THRB: variants seen among roughly 807,000 people sequenced by gnomAD.
THRB encodes the protein thyroid hormone receptor beta, also known as nuclear receptor subfamily 1 group A member 2.
THRB carries 12 observed loss-of-function variants against 47.8 expected under a neutral mutation model. The ratio of observed to expected loss-of-function variants is 0.25; its 90% CI spans 0.16 to 0.41. The LOEUF (loss-of-function observed/expected upper bound fraction) is 0.41. Ranked by LOEUF, THRB falls within the 10% of genes least tolerant of loss-of-function variation. The probability of loss-of-function intolerance (pLI) is 1.00; values close to 1 mark genes in which losing one functional copy is unlikely to be tolerated. For missense variants in THRB, 348 were observed against 589.2 expected (o/e 0.59, Z 4.24); for synonymous variants, 218 against 212.2 (o/e 1.03, Z -0.24).
chr3:24,177,519 G>A (rs915835267), intron 5 of THRB, among the ~76,000 whole-genome samples: 1 of 152,100 alleles, frequency 6.6e-6, no homozygotes, highest in East Asian at 1.9e-4. Context: ...GAATCAAACA[G>A]GCATGTTCAG....
At chr3:24,146,969 A>T in intron 6 of THRB, 147 bp from the exon 7 acceptor site, 1 of 699,344 alleles carries the variant, frequency 1.4e-6, no homozygotes. Flanking sequence ...TTCAAATATA[A>T]GACAGTTGGC....
At chr3:24,474,832 G>C (rs558385918) in intron 1 of THRB, among the ~76,000 whole-genome samples, 4 of 152,280 alleles carry the variant, frequency 2.6e-5, no homozygotes. Context: ...TGATTCAACT[G>C]TAAGGACCTG....
At chr3:24,336,722 CTTTTT>C (rs1553717322) in intron 2 of THRB, among the ~76,000 whole-genome samples, 2 of 135,954 alleles carry the variant, frequency 1.5e-5, no homozygotes, top group African/African-American at 2.7e-5. Context: ...AATTCTCATG[CTTTTT>C]TTTTTTTTTT....
chr3:24,306,382 A>G (rs1046153072), intron 2 of THRB, among the ~76,000 whole-genome samples: 1 of 152,204 alleles, frequency 6.6e-6, no homozygotes, highest in African/African-American at 2.4e-5. Context: ...GCTGCCTTCC[A>G]CAGAGGGCTC....
rs375041522 is a variant in THRB, at chr3:24,185,579, GAC to G, written c.283+4493_283+4494del. Among the ~76,000 whole-genome samples the G allele has an allele frequency of 6.6e-5, 10 of 152,310 alleles. No homozygotes were observed. The East Asian group carries it at 1.9e-3, about 29-fold the overall frequency. On this transcript the variant is annotated intron_variant, in intron 5 of 10. Coordinates refer to ENST00000646209, the MANE Select transcript of THRB (RefSeq NM_001354712.2). ...CAGTTTTAAAAATATTAAGCACAGA[GAC>G]ATTTCTGTGAGATCACTGATGGCTG... is the stretch of plus-strand genomic sequence containing the variant.
intron 1 of THRB, among the ~76,000 whole-genome samples, chr3:24,436,552 T>C (rs975112650): frequency 1.3e-5 from 2 of 152,134 alleles, no homozygotes; most frequent in Non-Finnish European, 2.9e-5. Flanking sequence ...AAATGGGAAG[T>C]TTAACAAGAG....
At chr3:24,381,639 C>T (rs1201570548) in intron 1 of THRB, among the ~76,000 whole-genome samples, 3 of 152,052 alleles carry the variant, frequency 2.0e-5, no homozygotes, top group Non-Finnish European at 4.4e-5. Flanking sequence ...GAAATATGAC[C>T]TTGTCTTTAA....
chr3:24,151,069 A>G (rs974818033), intron 6 of THRB, among the ~76,000 whole-genome samples: 8 of 152,210 alleles, frequency 5.3e-5, no homozygotes, highest in Non-Finnish European at 1.0e-4. Context: ...GGCAACCTTT[A>G]GCCCAGTCTT....
intron 4 of THRB, among the ~76,000 whole-genome samples, chr3:24,211,817 G>A (rs1053944277): frequency 1.3e-5 from 2 of 152,186 alleles, no homozygotes; most frequent in Non-Finnish European, 2.9e-5. Context: ...TGTATGCTAA[G>A]ATGATGTGCA....
At chr3:24,400,096 G>C (rs1413926549) in intron 1 of THRB, among the ~76,000 whole-genome samples, 1 of 152,116 alleles carries the variant, frequency 6.6e-6, no homozygotes, top group Non-Finnish European at 1.5e-5. Flanking sequence ...GAGTTTGCTT[G>C]AGCCCTAGGA....
intron 2 of THRB, among the ~76,000 whole-genome samples, chr3:24,299,800 T>C (rs2056799184): frequency 1.5e-5 from 2 of 132,756 alleles, no homozygotes; most frequent in South Asian, 5.0e-4. Flanking sequence ...TTTTTTTTTT[T>C]TTAGCAAACA....
At chr3:24,148,189 C>T (rs1029924838) in intron 6 of THRB, among the ~76,000 whole-genome samples, 2 of 152,120 alleles carry the variant, frequency 1.3e-5, no homozygotes, top group East Asian at 1.9e-4. Context: ...TGCAGTGGTG[C>T]GATCTTGGCT....
At chr3:24,487,328 G>C (rs1697453030) in intron 1 of THRB, among the ~76,000 whole-genome samples, 1 of 150,216 alleles carries the variant, frequency 6.7e-6, no homozygotes, top group Admixed American at 6.6e-5. Context: ...TGCCACTTAA[G>C]GTTTTAGACA....
intron 4 of THRB, among the ~76,000 whole-genome samples, chr3:24,213,618 G>A (rs979627403): frequency 6.6e-6 from 1 of 152,184 alleles, no homozygotes; most frequent in African/African-American, 2.4e-5. Context: ...GGAGGCCCTA[G>A]CAAAGGATCC....
At chr3:24,206,764 TAAGAA>T (rs1033593524) in intron 4 of THRB, among the ~76,000 whole-genome samples, 4 of 151,230 alleles carry the variant, frequency 2.6e-5, no homozygotes, top group African/African-American at 9.7e-5. Flanking sequence ...GCAAGACTAA[TAAGAA>T]AAGAGAGAAG....
chr3:24,436,956 C>T (rs1391945277), intron 1 of THRB, among the ~76,000 whole-genome samples: 1 of 151,788 alleles, frequency 6.6e-6, no homozygotes, highest in Non-Finnish European at 1.5e-5. Context: ...AAATGGAAAC[C>T]CTTAAGTCTC....
Position 24,319,586 on chromosome 3 carries a change from G to A in THRB, c.-189+17714C>T, listed in dbSNP as rs115985745. 9.8e-3 allele frequency among the ~76,000 whole-genome samples: 1,497 copies of A among 152,278 alleles called. 23 individuals carry two copies. The highest frequency in any genetic ancestry group is 0.032 in the African/African-American group (1,345 of 41,546). On this transcript the variant is annotated intron_variant, in intron 2 of 10. Coordinates refer to ENST00000646209, the MANE Select transcript of THRB (RefSeq NM_001354712.2). ...GTATGGGGCAGGCAGTGACAGAGAG[G>A]GGCATGGGCAAACTTCAGTGTTGCT... is the stretch of plus-strand genomic sequence containing the variant.
intron 5 of THRB, among the ~76,000 whole-genome samples, chr3:24,181,997 C>T (rs545955412): frequency 6.6e-6 from 1 of 152,196 alleles, no homozygotes; most frequent in African/African-American, 2.4e-5. Flanking sequence ...TTCAGGAGAT[C>T]GAGACCATCC....
intron 8 of THRB, among the ~76,000 whole-genome samples, chr3:24,140,482 CTCTT>C (rs1470888261): frequency 6.6e-6 from 1 of 152,278 alleles, no homozygotes; most frequent in Non-Finnish European, 1.5e-5. Flanking sequence ...TTGGGAATCT[CTCTT>C]TCTGTGTGGC....
Sources: gnomAD v4.1 joint callset for allele counts (sites outside exome capture counted in the v4.1 genomes callset) on GRCh38, gnomAD v4.1.1 for gene constraint, MANE v1.5 for transcripts, NCBI Gene and HGNC (gene_info 2026-07-23, HGNC 2026-07-21) for gene names.